The following PLXNC1 variants were observed in gnomAD, a reference collection of about 807,000 sequenced individuals.
PLXNC1 encodes the protein plexin-C1.
PLXNC1 carries 75 observed loss-of-function variants against 178.2 expected under a neutral mutation model. The ratio of observed to expected loss-of-function variants is 0.42; its 90% confidence interval spans 0.35 to 0.51. The LOEUF is 0.51. Ranked by LOEUF, PLXNC1 falls within the 20% of genes least tolerant of loss-of-function variation. The pLI is 0.02. For synonymous variants in PLXNC1, 790 were observed against 779.9 expected, an observed-to-expected ratio of 1.01 and a Z score of -0.22; for missense variants, 1,503 against 1,984.4, an observed-to-expected ratio of 0.76 and a Z score of 4.61.
chr12:94,281,687 T>C (rs1162019744), intron 22 of PLXNC1: 1 of 152,288 alleles, frequency 6.6e-6, no homozygotes, highest in Admixed American at 6.5e-5. Context: ...TCCCAAAGTA[T>C]TGGGATTATA....
chr12:94,250,124 C>T (rs1282855136), intron 14 of PLXNC1, among the ~76,000 whole-genome samples: 1 of 151,956 alleles, frequency 6.6e-6, no homozygotes, highest in African/African-American at 2.4e-5. Context: ...CAGGAGGCTG[C>T]CTGGCATGTT....
chr12:94,198,546 AGTGAG>A (rs1238810793), intron 4 of PLXNC1, among the ~76,000 whole-genome samples: 5 of 152,198 alleles, frequency 3.3e-5, no homozygotes, highest in African/African-American at 1.2e-4. Context: ...AGTTCCCTCT[AGTGAG>A]GTGTTTTAGT....
chr12:94,218,586 C>T (rs1045195181), intron 5 of PLXNC1, among the ~76,000 whole-genome samples: 28 of 152,144 alleles, frequency 1.8e-4, no homozygotes, highest in African/African-American at 6.8e-4. Flanking sequence ...ATGTTAATTC[C>T]TATAATTTCC....
chr12:94,212,954 C>T (rs1308233233), intron 5 of PLXNC1, among the ~76,000 whole-genome samples: 2 of 152,108 alleles, frequency 1.3e-5, no homozygotes, highest in African/African-American at 2.4e-5. Flanking sequence ...CTCCTGACCT[C>T]GTGATCTGCC....
At chr12:94,164,006 T>C (rs1403141330) in intron 1 of PLXNC1, among the ~76,000 whole-genome samples, 1 of 152,056 alleles carries the variant, frequency 6.6e-6, no homozygotes. Context: ...GCAGGGCATG[T>C]GGTATTATTA....
chr12:94,198,137 C>A (rs960501798), intron 4 of PLXNC1, among the ~76,000 whole-genome samples: 4 of 152,102 alleles, frequency 2.6e-5, no homozygotes, highest in Non-Finnish European at 5.9e-5. Context: ...AAATGCCCAT[C>A]CATGATAGAC....
chr12:94,213,015 G>A lies in PLXNC1; in HGVS notation c.1554+3311G>A, dbSNP rs185667510. Reference sequence around the variant, plus strand: ...ATTACAGGCGTGAGCCACCGTGCCCGGCCTACGTGCCACATTTCCTTAATC... The same window carrying A: ...ATTACAGGCGTGAGCCACCGTGCCCAGCCTACGTGCCACATTTCCTTAATC... On this transcript the variant is annotated intron_variant, in intron 5 of 30. Coordinates refer to ENST00000258526, the MANE Select transcript of PLXNC1 (RefSeq NM_005761.3). Among the ~76,000 whole-genome samples, 22 of 152,278 alleles carry A rather than the reference G, an allele frequency of 1.4e-4. No homozygotes were observed. In the East Asian group the frequency reaches 3.5e-3, roughly 24 times the overall value.
chr12:94,266,670 T>C (rs984757051), intron 21 of PLXNC1, among the ~76,000 whole-genome samples: 2 of 152,376 alleles, frequency 1.3e-5, no homozygotes, highest in East Asian at 3.9e-4. Flanking sequence ...CTGTGTAATG[T>C]TGGGCAAGTT....
chr12:94,245,248 C>T lies in PLXNC1; in HGVS notation c.2388+1223C>T, dbSNP rs940172907. 2.6e-5 allele frequency among the ~76,000 whole-genome samples: 4 copies of T among 152,382 alleles called. No individual in the cohort carries two copies. The East Asian group carries it at 5.8e-4, about 22-fold the overall frequency. On this transcript the variant is annotated intron_variant, in intron 12 of 30. Transcript: ENST00000258526. ...TGAGTTTGTCACGGACTTGCTCTCC[C>T]TCCTACTTGCTGTTCCCAAATCAAG...
chr12:94,240,587 C>T lies in PLXNC1; in HGVS notation c.2223C>T (p.Asn741=). Residue 741 remains asparagine (N), a synonymous_variant, in exon 11 of 31, where the codon AAC becomes AAT. Coordinates refer to ENST00000258526, the MANE Select transcript of PLXNC1 (RefSeq NM_005761.3). ...KDVCIQFDGG[N]CSSVGSLSYI... ...TGTGTATCCAGTTTGATGGTGGGAA[C>T]TGCTCTTCTGTGGGATCCTTATCCT... 1 of 1,613,924 alleles carries T rather than the reference C, an allele frequency of 6.2e-7. No homozygotes were observed. The highest frequency in any genetic ancestry group is 1.1e-5 in the South Asian group (1 of 91,080).
intron 1 of PLXNC1, among the ~76,000 whole-genome samples, chr12:94,156,842 G>T (rs1027822985): frequency 1.3e-5 from 2 of 151,582 alleles, no homozygotes; most frequent in African/African-American, 4.8e-5. Flanking sequence ...CAAGTAGCTG[G>T]GACTACAGGC....
chr12:94,294,526 C>A lies in PLXNC1; in HGVS notation c.3920C>A (p.Ala1307Glu). ...GSTIKVFKKI[A>E]NFTSDVEYSD... is the part of the protein sequence containing the mutation. ...ACTATAAAAGTCTTTAAGAAGATAGCAAATTTTACTTCAGGTAACCAATAT... is the reference window on the plus strand; with the variant it reads ...ACTATAAAAGTCTTTAAGAAGATAGAAAATTTTACTTCAGGTAACCAATAT... Residue 1307 changes from alanine to glutamate, a missense_variant, in exon 24 of 31, where the codon GCA (alanine) becomes GAA (glutamate). Physicochemically the swap from Ala to Glu is moderately radical, Grantham distance 107. Transcript: ENST00000258526. The A allele has an allele frequency of 7.7e-7, 1 of 1,298,796 alleles. No homozygotes were observed. The highest frequency in any genetic ancestry group is 1.1e-6 in the Non-Finnish European group (1 of 902,084). The allele number at this position is 1,298,796 out of a possible 1,614,324, so 80.5% of individuals were successfully genotyped here. A position where few individuals can be genotyped will look rare whatever the true frequency, so the allele number is the denominator to read the frequency against.
intron 4 of PLXNC1, among the ~76,000 whole-genome samples, chr12:94,202,002 A>G (rs1276685396): frequency 6.6e-6 from 1 of 151,828 alleles, no homozygotes; most frequent in East Asian, 1.9e-4. Flanking sequence ...TCCTGGCCTC[A>G]AGTGATCTGG....
chr12:94,271,916 G>A (rs559315605), intron 21 of PLXNC1, among the ~76,000 whole-genome samples: 1 of 152,266 alleles, frequency 6.6e-6, no homozygotes, highest in South Asian at 2.1e-4. Flanking sequence ...TTGGGTGCCT[G>A]TGTGCTTATG....
intron 5 of PLXNC1, among the ~76,000 whole-genome samples, chr12:94,213,850 C>T (rs55677418): frequency 0.2 from 30,759 of 151,146 alleles, 3,273 homozygotes; most frequent in Middle Eastern, 0.26. Flanking sequence ...AGGAAGGGAT[C>T]CAGTTTCCGC....
intron 1 of PLXNC1, among the ~76,000 whole-genome samples, chr12:94,160,918 G>C (rs1961361249): frequency 6.6e-6 from 1 of 152,156 alleles, no homozygotes; most frequent in South Asian, 2.1e-4. Flanking sequence ...TTTCAAAGTA[G>C]AGATGAGCAT....
At chr12:94,217,944 A>G (rs1211597602) in intron 5 of PLXNC1, among the ~76,000 whole-genome samples, 1 of 152,236 alleles carries the variant, frequency 6.6e-6, no homozygotes, top group African/African-American at 2.4e-5. Flanking sequence ...TGGAATAATT[A>G]TAGTTATGTA....
intron 5 of PLXNC1, among the ~76,000 whole-genome samples, chr12:94,213,240 A>C (rs188411558): frequency 2.3e-3 from 354 of 152,322 alleles, no homozygotes; most frequent in African/African-American, 8.0e-3. Context: ...TGTCTTCCAC[A>C]ATGGTTGAAC....
chr12:94,176,852 A>G (rs1565793798), intron 2 of PLXNC1, among the ~76,000 whole-genome samples: 1 of 151,912 alleles, frequency 6.6e-6, no homozygotes, highest in African/African-American at 2.4e-5. Flanking sequence ...AAATATGTCT[A>G]TATTTATAGA....
Sources: allele counts gnomAD v4.1 joint callset (sites outside exome capture counted in the v4.1 genomes callset), GRCh38; gene constraint gnomAD v4.1.1; transcripts MANE v1.5; gene names NCBI Gene and HGNC (gene_info 2026-07-23, HGNC 2026-07-21).